The following ABCC5 variants were observed in gnomAD, a reference collection of about 807,000 sequenced individuals.
ABCC5 encodes ATP-binding cassette sub-family C member 5.
ABCC5 carries 61 observed loss-of-function variants against 160.9 expected under a neutral mutation model. That is an observed-to-expected ratio of 0.38 (90% confidence interval 0.31 to 0.47). The LOEUF is 0.47. ABCC5 is among the 20% of genes least tolerant of loss of function. The pLI, the probability that ABCC5 is intolerant of heterozygous loss-of-function variation, is 0.99. For synonymous variants in ABCC5, 666 were observed against 700.6 expected (o/e 0.95, Z 0.78); for missense variants, 1,308 against 1,813.3 (o/e 0.72, Z 5.06).
At chr3:183,959,583 T>C in intron 17 of ABCC5, 150 bp downstream of exon 17, 1 of 622,548 alleles carries the variant, frequency 1.6e-6, no homozygotes, top group South Asian at 2.3e-5. Flanking sequence ...GGTCTCCCAG[T>C]ATTATATAAG....
At chr3:183,999,615 A>C (rs1435079027) in intron 2 of ABCC5, among the ~76,000 whole-genome samples, 4 of 151,912 alleles carry the variant, frequency 2.6e-5, no homozygotes, top group Non-Finnish European at 5.9e-5. Context: ...CCATCTATAT[A>C]CAGCATTTTT....
In ABCC5 at chr3:183,945,952, A is replaced by G; in HGVS notation, c.3415-13T>C. On this transcript the variant is annotated splice_polypyrimidine_tract_variant and intron_variant, in intron 23 of 29. Transcript: ENST00000334444. ...ACAGCCCCGTTAACTGATAATGGAAAACAACAATCAAAGAGATAATTCATT... is the reference window on the plus strand; with the variant it reads ...ACAGCCCCGTTAACTGATAATGGAAGACAACAATCAAAGAGATAATTCATT... The G allele has an allele frequency of 4.3e-6, 7 of 1,610,514 alleles. No homozygotes were observed. The highest frequency in any genetic ancestry group is 5.9e-6 in the Non-Finnish European group (7 of 1,176,770).
intron 28 of ABCC5, 112 bp downstream of exon 28, chr3:183,927,218 A>G: frequency 9.5e-7 from 1 of 1,051,410 alleles, no homozygotes; most frequent in East Asian, 2.7e-5. Flanking sequence ...ATGCTCTTAG[A>G]AAGTGCCAAC....
chr3:183,987,568 T>G lies in ABCC5; in HGVS notation c.591+202A>C, dbSNP rs1232455010. ...ACCCCCACCCAGAAATCAAGCCAGT[T>G]CCATTTCTTCTCTGGCAACACTGCC... is the stretch of plus-strand genomic sequence containing the variant. On this transcript the variant is annotated intron_variant, in intron 5 of 29. Coordinates refer to ENST00000334444, the MANE Select transcript of ABCC5 (RefSeq NM_005688.4). The surrounding 1 kb of genome is among the most constrained non-coding windows in gnomAD (Gnocchi z 4.2). The G allele has an allele frequency of 1.5e-6, 1 of 686,768 alleles. No homozygotes were observed. Among genetic ancestry groups the G allele is most frequent in the African/African-American group, 1.8e-5 (1 of 56,292 alleles). 42.5% of individuals were successfully genotyped at this position (686,768 alleles called of 1,614,324 possible).
chr3:183,929,946 A>AATTATCTT (rs887419864), intron 26 of ABCC5, among the ~76,000 whole-genome samples: 2 of 152,080 alleles, frequency 1.3e-5, no homozygotes, highest in African/African-American at 4.8e-5. Flanking sequence ...GACAGGAGAA[A>AATTATCTT]ATTATCTTTG....
At chr3:183,941,010 C>T (rs1714286485) in intron 25 of ABCC5, among the ~76,000 whole-genome samples, 1 of 152,126 alleles carries the variant, frequency 6.6e-6, no homozygotes, top group Non-Finnish European at 1.5e-5. Flanking sequence ...AGGCATCCAC[C>T]ACCACGCCCA....
chr3:183,950,185 G>GA lies in ABCC5; in HGVS notation c.2945-61dup, dbSNP rs555275529. The GA allele has an allele frequency of 6.5e-6, 10 of 1,529,954 alleles. No individual in the cohort carries two copies. The East Asian group carries it at 1.1e-4, about 17-fold the overall frequency. 94.8% of individuals were successfully genotyped at this position (1,529,954 alleles called of 1,614,324 possible). A position where few individuals can be genotyped will look rare whatever the true frequency, so the allele number is the denominator to read the frequency against. ...GTTTGGAAAAATGGAACTGAAAATT[G>GA]AAAAAAACAAAAAGGGGTTCCACAA... On this transcript the variant is annotated intron_variant, in intron 20 of 29. Transcript: ENST00000334444.
At chr3:183,926,142 GT>G (rs545167336) in intron 28 of ABCC5, among the ~76,000 whole-genome samples, 7,822 of 131,982 alleles carry the variant, frequency 0.059, 416 homozygotes, top group African/African-American at 0.14. Flanking sequence ...CCAGCCTATT[GT>G]TTTTTTTTTT....
At chr3:183,947,618 T>C in intron 22 of ABCC5, 108 bp from the exon 23 acceptor site, 1 of 885,780 alleles carries the variant, frequency 1.1e-6, no homozygotes, top group Non-Finnish European at 1.7e-6. Flanking sequence ...AAATACTTCC[T>C]GTTTCTAACT....
chr3:184,013,078 G>A (rs554690229), intron 2 of ABCC5, among the ~76,000 whole-genome samples: 1 of 152,054 alleles, frequency 6.6e-6, no homozygotes, highest in South Asian at 2.1e-4. Context: ...TTTTTCCTCA[G>A]GAAAAAGAAT....
chr3:183,935,745 G>A (rs1027845953), intron 26 of ABCC5, among the ~76,000 whole-genome samples: 9 of 152,026 alleles, frequency 5.9e-5, no homozygotes, highest in Non-Finnish European at 7.4e-5. Flanking sequence ...CAGGTGATCC[G>A]CCCACCTAGC....
At chr3:183,977,221 A>C (rs1329128256) in intron 10 of ABCC5, among the ~76,000 whole-genome samples, 1 of 152,230 alleles carries the variant, frequency 6.6e-6, no homozygotes, top group Non-Finnish European at 1.5e-5. Context: ...GAGTTGCGAC[A>C]CATCCATGTC....
At chr3:183,998,898 T>A (rs1720508671) in intron 2 of ABCC5, among the ~76,000 whole-genome samples, 1 of 152,082 alleles carries the variant, frequency 6.6e-6, no homozygotes, top group African/African-American at 2.4e-5. Context: ...GAGACCAGCC[T>A]GGCCAATATG....
intron 22 of ABCC5, among the ~76,000 whole-genome samples, chr3:183,948,660 T>C: frequency 1.3e-5 from 2 of 152,160 alleles, no homozygotes; most frequent in Non-Finnish European, 2.9e-5. Flanking sequence ...CAGTGGCAAC[T>C]AACAGGTTTT....
In ABCC5 at chr3:183,988,806, T is replaced by C; in HGVS notation, c.288-79A>G. On this transcript the variant is annotated intron_variant, in intron 3 of 29. Transcript: ENST00000334444. The surrounding 1 kb of genome is among the most constrained non-coding windows in gnomAD (Gnocchi z 4.4). ...CCCGTGTTTAATGGACACTGTTTAG[T>C]GAACACAGCTCTTAGCTAAAGACCA... 1 of 1,433,174 alleles carries C rather than the reference T, an allele frequency of 7.0e-7. No individual in the cohort carries two copies. Among genetic ancestry groups the C allele is most frequent in the Non-Finnish European group, 9.5e-7 (1 of 1,054,944 alleles). The allele number at this position is 1,433,174 out of a possible 1,614,324, so 88.8% of individuals were successfully genotyped here. A position where few individuals can be genotyped will look rare whatever the true frequency, so the allele number is the denominator to read the frequency against.
In ABCC5 at chr3:183,971,748, T is replaced by C; in HGVS notation, c.1576A>G (p.Lys526Glu). The change falls in exon 11 of 30, where the codon AAG becomes GAG. Residue 526 changes from lysine (K) to glutamate (E), a missense_variant. This residue lies in a region of ABCC5 where 1,142 missense variants were observed against 1,527.1 expected (regional missense o/e 0.75). Coordinates refer to ENST00000334444, the MANE Select transcript of ABCC5 (RefSeq NM_005688.4). Reference sequence around the variant, plus strand: ...TGCAGCTGCCTCACCTTCTCTTTCTTGCCCCTGGAAGCCCTCTTGTCTTTT... The same window carrying C: ...TGCAGCTGCCTCACCTTCTCTTTCTCGCCCCTGGAAGCCCTCTTGTCTTTT... ...MKKDKRASRGKKEKVRQLQRT... is the reference protein window; with the variant it reads ...MKKDKRASRGEKEKVRQLQRT... The C allele has an allele frequency of 6.2e-7, 1 of 1,614,200 alleles. No homozygotes were observed. The highest frequency in any genetic ancestry group is 8.5e-7 in the Non-Finnish European group (1 of 1,180,028).
At position 183,949,929 on chromosome 3, in the gene ABCC5, GGC is replaced by G. The variant is rs1216712583; in HGVS notation, c.3098+41_3098+42del. The G allele has an allele frequency of 1.2e-6, 2 of 1,614,034 alleles. No homozygotes were observed. The highest frequency in any genetic ancestry group is 4.5e-5 in the East Asian group (2 of 44,884). On this transcript the variant is annotated intron_variant, in intron 21 of 29. Coordinates refer to ENST00000334444, the MANE Select transcript of ABCC5 (RefSeq NM_005688.4). This position sits in a 1 kb window ranked among gnomAD's most constrained non-coding sequence, Gnocchi z 4.2. ...GTCACAGCACCTACCCAGCAACTGAGGCTTCTCCGTGGCCCCAGCAGACATGA... is the reference window on the plus strand; with the variant it reads ...GTCACAGCACCTACCCAGCAACTGAGTTCTCCGTGGCCCCAGCAGACATGA...
chr3:183,982,340 G>A lies in ABCC5; in HGVS notation c.999+111C>T. 3.1e-6 allele frequency: 4 copies of A among 1,271,334 alleles called. No individual in the cohort carries two copies. The East Asian group carries it at 1.0e-4, about 32-fold the overall frequency. 78.8% of individuals were successfully genotyped at this position (1,271,334 alleles called of 1,614,324 possible). On this transcript the variant is annotated intron_variant, in intron 7 of 29. Transcript: ENST00000334444. This position sits in a 1 kb window ranked among gnomAD's most constrained non-coding sequence, Gnocchi z 5.2. The stretch of plus-strand genomic sequence containing the variant: ...GAGCTCTAGATTGAACCTGCTTTGA[G>A]GAAATTTCCAATCAGAGCTGTGAGA...
intron 29 of ABCC5, among the ~76,000 whole-genome samples, chr3:183,924,755 A>G (rs1337370374): frequency 2.0e-5 from 3 of 152,162 alleles, no homozygotes. Context: ...GCATTGCACA[A>G]TTCCTATCAA....
Sources: allele counts gnomAD v4.1 joint callset (sites outside exome capture counted in the v4.1 genomes callset), GRCh38; gene constraint gnomAD v4.1.1; regional missense constraint gnomAD v4.1.1; non-coding constraint Gnocchi (gnomAD v3.1); transcripts MANE v1.5; gene names NCBI Gene and HGNC (gene_info 2026-07-23, HGNC 2026-07-21).